NELL1: variants seen among roughly 807,000 people sequenced by gnomAD.
NELL1 encodes protein kinase C-binding protein NELL1.
In NELL1, 76 loss-of-function variants were observed where a neutral mutation model predicts 107.4. That is an observed-to-expected ratio of 0.71 (90% CI 0.59 to 0.86). The LOEUF is 0.86. Ranked by LOEUF, NELL1 falls within the 40% of genes least tolerant of loss-of-function variation. The pLI, the probability that NELL1 is intolerant of heterozygous loss-of-function variation, is 0.00. For synonymous variants in NELL1, 353 were observed against 341.2 expected (o/e 1.03, Z -0.38); for missense variants, 1,024 against 1,005.5 (o/e 1.02, Z -0.25).
rs1033808679 is a variant in NELL1, at chr11:21,147,705, G to A, written c.1426+33991G>A. The stretch of plus-strand genomic sequence containing the variant: ...TACAAAATTAGCCGGGTGTGGTGGT[G>A]CATGCCTGTAATCCCAGCTACTCAG... On this transcript the variant is annotated intron_variant, in intron 13 of 19. Transcript: ENST00000357134. Among the ~76,000 whole-genome samples, 3 of 151,534 alleles carry A rather than the reference G, an allele frequency of 2.0e-5. No individual in the cohort carries two copies. The East Asian group carries it at 5.8e-4, about 29-fold the overall frequency.
At chr11:20,790,663 T>C (rs1273537854) in intron 3 of NELL1, among the ~76,000 whole-genome samples, 1 of 152,052 alleles carries the variant, frequency 6.6e-6, no homozygotes, top group Non-Finnish European at 1.5e-5. Context: ...ACCTGCTCTG[T>C]GGAGTGGGAG....
intron 14 of NELL1, among the ~76,000 whole-genome samples, chr11:21,297,130 G>A (rs990585226): frequency 3.3e-5 from 5 of 151,786 alleles, no homozygotes; most frequent in African/African-American, 1.2e-4. Context: ...GATCAAAGGA[G>A]ATTTTGAAGT....
At chr11:21,548,398 G>T (rs995891856) in intron 16 of NELL1, among the ~76,000 whole-genome samples, 1 of 151,912 alleles carries the variant, frequency 6.6e-6, no homozygotes, top group East Asian at 1.9e-4. Context: ...AAAGACAGAG[G>T]TTTAATGGAG....
chr11:21,451,126 G>A (rs1168397678), intron 15 of NELL1, among the ~76,000 whole-genome samples: 1 of 144,352 alleles, frequency 6.9e-6, no homozygotes, highest in Non-Finnish European at 1.5e-5. Context: ...GGCTGAGCTT[G>A]CAGTAAGCCG....
At chr11:21,562,437 C>A (rs1367280312) in intron 17 of NELL1, among the ~76,000 whole-genome samples, 1 of 152,022 alleles carries the variant, frequency 6.6e-6, no homozygotes, top group Non-Finnish European at 1.5e-5. Flanking sequence ...TTGTGTTCTA[C>A]ATGTACTCAT....
At chr11:21,357,504 G>A (rs1850962631) in intron 14 of NELL1, among the ~76,000 whole-genome samples, 1 of 151,994 alleles carries the variant, frequency 6.6e-6, no homozygotes, top group Non-Finnish European at 1.5e-5. Context: ...AGGATTATTT[G>A]TTTTTTCTTG....
chr11:21,071,632 G>A (rs1053451578), intron 12 of NELL1, among the ~76,000 whole-genome samples: 1 of 152,168 alleles, frequency 6.6e-6, no homozygotes. Context: ...ATTTCACAAG[G>A]CCAAACTTTG....
At chr11:21,537,375 T>A (rs1401168225) in intron 16 of NELL1, among the ~76,000 whole-genome samples, 1 of 152,142 alleles carries the variant, frequency 6.6e-6, no homozygotes, top group Non-Finnish European at 1.5e-5. Context: ...GGCTTTTTGA[T>A]CTTTTCATGC....
At chr11:21,062,246 A>G (rs934365258) in intron 12 of NELL1, among the ~76,000 whole-genome samples, 1 of 152,222 alleles carries the variant, frequency 6.6e-6, no homozygotes, top group East Asian at 1.9e-4. Context: ...GCTAATATCT[A>G]AGACATAGTT....
intron 2 of NELL1, among the ~76,000 whole-genome samples, chr11:20,771,318 C>A (rs993447752): frequency 6.6e-6 from 1 of 152,068 alleles, no homozygotes; most frequent in South Asian, 2.1e-4. Flanking sequence ...CTGAGGCCAC[C>A]AAAGTCATTT....
intron 14 of NELL1, among the ~76,000 whole-genome samples, chr11:21,342,566 C>T (rs1230659004): frequency 6.6e-6 from 1 of 150,956 alleles, no homozygotes; most frequent in Non-Finnish European, 1.5e-5. Flanking sequence ...ATCACTTGAG[C>T]CCAGGTAGTC....
At chr11:21,366,115 C>G (rs571639091) in intron 14 of NELL1, among the ~76,000 whole-genome samples, 7 of 152,068 alleles carry the variant, frequency 4.6e-5, no homozygotes, top group Non-Finnish European at 1.0e-4. Context: ...GGAATGAAAC[C>G]AAAAAGCAAA....
chr11:21,376,758 T>G (rs1440384089), intron 15 of NELL1, among the ~76,000 whole-genome samples: 3 of 152,124 alleles, frequency 2.0e-5, no homozygotes, highest in Non-Finnish European at 2.9e-5. Context: ...CTTGTAGAAG[T>G]ATTTCACCTC....
At chr11:21,175,892 A>G (rs952497300) in intron 13 of NELL1, among the ~76,000 whole-genome samples, 1 of 151,746 alleles carries the variant, frequency 6.6e-6, no homozygotes, top group African/African-American at 2.4e-5. Flanking sequence ...GGCATTTAGG[A>G]TCTTTAGTTG....
intron 12 of NELL1, among the ~76,000 whole-genome samples, chr11:21,055,333 C>A (rs1353197093): frequency 6.6e-6 from 1 of 151,260 alleles, no homozygotes; most frequent in Non-Finnish European, 1.5e-5. Flanking sequence ...ATTGATTTTT[C>A]TAGGTGTTCC....
intron 15 of NELL1, among the ~76,000 whole-genome samples, chr11:21,395,362 A>G (rs1851958526): frequency 6.6e-6 from 1 of 151,544 alleles, no homozygotes; most frequent in East Asian, 2.0e-4. Context: ...AAACTTAATC[A>G]CATTTAGGAA....
At chr11:21,524,412 A>C (rs1005183353) in intron 15 of NELL1, among the ~76,000 whole-genome samples, 2 of 152,176 alleles carry the variant, frequency 1.3e-5, no homozygotes, top group Non-Finnish European at 2.9e-5. Context: ...GAATATTCTA[A>C]AATAGAATGT....
In NELL1 at chr11:21,317,653, A is replaced by G. The variant is rs1849907782; in HGVS notation, c.1550-53200A>G. 2.6e-5 allele frequency among the ~76,000 whole-genome samples: 4 copies of G among 152,014 alleles called. No homozygotes were observed. The South Asian group carries it at 8.3e-4, about 32-fold the overall frequency. On this transcript the variant is annotated intron_variant, in intron 14 of 19. Coordinates refer to ENST00000357134, the MANE Select transcript of NELL1 (RefSeq NM_006157.5). ...AGTATGGACATAGAAAGTGAGTGGT[A>G]TAGGAAAGAAGGCATTTCAGGCAGA...
intron 13 of NELL1, among the ~76,000 whole-genome samples, chr11:21,115,746 C>A (rs979175675): frequency 1.3e-5 from 2 of 151,858 alleles, no homozygotes; most frequent in African/African-American, 4.8e-5. Flanking sequence ...GATGTGGGGA[C>A]CACAGAGGTA....
Sources: allele counts gnomAD v4.1 joint callset (sites outside exome capture counted in the v4.1 genomes callset), GRCh38; gene constraint gnomAD v4.1.1; transcripts MANE v1.5; gene names NCBI Gene and HGNC (gene_info 2026-07-23, HGNC 2026-07-21).